Variants in PTPRG observed in about 807,000 individuals in gnomAD.
PTPRG encodes the protein receptor-type tyrosine-protein phosphatase gamma.
In PTPRG, 102 loss-of-function variants were observed where a neutral mutation model predicts 165.3. The observed-to-expected ratio is 0.62, with a 90% confidence interval of 0.53 to 0.73. The LOEUF is 0.73. Ranked by LOEUF, PTPRG falls within the 30% of genes least tolerant of loss-of-function variation. PTPRG has a pLI of 0.00. For synonymous variants in PTPRG, 675 were observed against 669.5 expected (o/e 1.01, Z -0.13); for missense variants, 1,866 against 1,861.4 (o/e 1.00, Z -0.05).
intron 1 of PTPRG, among the ~76,000 whole-genome samples, chr3:61,678,966 T>C (rs1703332821): frequency 6.6e-6 from 1 of 152,118 alleles, no homozygotes; most frequent in African/African-American, 2.4e-5. Flanking sequence ...TCTGCAATAA[T>C]GGCTTTTTTT....
rs545225855 is a variant in PTPRG at position 61,876,533 on chromosome 3, C to T, written c.191-113092C>T. Reference sequence around the variant, plus strand: ...TTGTACTGTTTTAGCAGCAACTTCTCTATAAATCTAAACTTCTCTCAATAC... The same window carrying T: ...TTGTACTGTTTTAGCAGCAACTTCTTTATAAATCTAAACTTCTCTCAATAC... On this transcript the variant is annotated intron_variant, in intron 2 of 29. Coordinates refer to ENST00000474889, the MANE Select transcript of PTPRG (RefSeq NM_002841.4). 2.6e-5 allele frequency among the ~76,000 whole-genome samples: 4 copies of T among 152,306 alleles called. No individual in the cohort carries two copies. In the East Asian group the frequency reaches 7.7e-4, roughly 29 times the overall value.
chr3:61,947,929 G>A (rs1304413962), intron 2 of PTPRG, among the ~76,000 whole-genome samples: 1 of 152,190 alleles, frequency 6.6e-6, no homozygotes, highest in Non-Finnish European at 1.5e-5. Flanking sequence ...AATATGGAAT[G>A]AGGGGAATAG....
chr3:62,006,896 C>T (rs1559742440), intron 4 of PTPRG, among the ~76,000 whole-genome samples: 1 of 152,160 alleles, frequency 6.6e-6, no homozygotes, highest in African/African-American at 2.4e-5. Flanking sequence ...GTGGAGAAAG[C>T]AGTGTGTTTA....
chr3:62,058,132 C>A (rs1700689869), intron 4 of PTPRG, among the ~76,000 whole-genome samples: 1 of 152,174 alleles, frequency 6.6e-6, no homozygotes. Flanking sequence ...CCCCATGGAT[C>A]CAGCCTTATT....
chr3:61,884,275 A>C lies in PTPRG; in HGVS notation c.191-105350A>C, dbSNP rs1306716421. 2.0e-5 allele frequency among the ~76,000 whole-genome samples: 3 copies of C among 152,192 alleles called. No homozygotes were observed. In the East Asian group the frequency reaches 5.8e-4, roughly 29 times the overall value. On this transcript the variant is annotated intron_variant, in intron 2 of 29. Coordinates refer to ENST00000474889, the MANE Select transcript of PTPRG (RefSeq NM_002841.4). Reference sequence around the variant, plus strand: ...GAATAGTGATTTAGTAATTGGGTTAAAGTTAGTGTGCTTCACTTTAATATG... The same window carrying C: ...GAATAGTGATTTAGTAATTGGGTTACAGTTAGTGTGCTTCACTTTAATATG...
At chr3:61,607,631 A>T (rs1701050576) in intron 1 of PTPRG, among the ~76,000 whole-genome samples, 1 of 152,074 alleles carries the variant, frequency 6.6e-6, no homozygotes. Flanking sequence ...CTTAATTATT[A>T]ATCTGACTCT....
At chr3:62,205,931 G>A (rs1700219553) in intron 12 of PTPRG, among the ~76,000 whole-genome samples, 1 of 152,196 alleles carries the variant, frequency 6.6e-6, no homozygotes, top group African/African-American at 2.4e-5. Context: ...AAGAAGCCCA[G>A]TTAGGAGGCA....
At chr3:61,732,170 T>C (rs2032526325) in intron 1 of PTPRG, among the ~76,000 whole-genome samples, 1 of 152,162 alleles carries the variant, frequency 6.6e-6, no homozygotes, top group Non-Finnish European at 1.5e-5. Flanking sequence ...TGGAATTAAT[T>C]AGAATAATTT....
chr3:62,031,558 A>G lies in PTPRG; in HGVS notation c.519+28061A>G, dbSNP rs190863384. Among the ~76,000 whole-genome samples, 4 of 152,322 alleles carry G rather than the reference A, an allele frequency of 2.6e-5. No individual in the cohort carries two copies. The East Asian group carries it at 7.7e-4, about 29-fold the overall frequency. On this transcript the variant is annotated intron_variant, in intron 4 of 29. Coordinates refer to ENST00000474889, the MANE Select transcript of PTPRG (RefSeq NM_002841.4). The stretch of plus-strand genomic sequence containing the variant: ...TCCTTCGAAGCGTTCTGAAGAAGGA[A>G]GTAGCGCAGTGAGCTACCTGATCCT...
At chr3:62,119,767 T>C (rs1292981620) in intron 5 of PTPRG, among the ~76,000 whole-genome samples, 1 of 149,726 alleles carries the variant, frequency 6.7e-6, no homozygotes, top group Non-Finnish European at 1.5e-5. Flanking sequence ...ACTACAGGCA[T>C]GGGCCACCAC....
intron 4 of PTPRG, among the ~76,000 whole-genome samples, chr3:62,016,572 C>T (rs1427117037): frequency 6.6e-6 from 1 of 152,210 alleles, no homozygotes; most frequent in African/African-American, 2.4e-5. Context: ...CTGATTCAAG[C>T]CAACACCATT....
chr3:62,205,779 A>G (rs1293925534), intron 12 of PTPRG, among the ~76,000 whole-genome samples: 1 of 152,048 alleles, frequency 6.6e-6, no homozygotes, highest in African/African-American at 2.4e-5. Context: ...CTGGAAAGGT[A>G]CTCGTTGACC....
intron 9 of PTPRG, 47 bp downstream of exon 9, chr3:62,191,700 C>T: frequency 6.5e-7 from 1 of 1,549,334 alleles, no homozygotes; most frequent in Non-Finnish European, 8.9e-7. Flanking sequence ...CAGAGAGGGA[C>T]TCCTGCTGCA....
At position 61,995,678 on chromosome 3, in the gene PTPRG, G is replaced by A. The variant is rs974161056; in HGVS notation, c.370+5874G>A. 1.8e-4 allele frequency among the ~76,000 whole-genome samples: 17 copies of A among 92,390 alleles called. No individual in the cohort carries two copies. The East Asian group carries it at 4.7e-3, about 26-fold the overall frequency. The allele number at this position is 92,390 out of a possible 152,430, so 60.6% of individuals were successfully genotyped here. On this transcript the variant is annotated intron_variant, in intron 3 of 29. Coordinates refer to ENST00000474889, the MANE Select transcript of PTPRG (RefSeq NM_002841.4). ...GTCTAGGCTTTCCGCCTGCCTGCCC[G>A]CCCGCCTTCCTTCCTTCCTTCCTTC...
At chr3:61,925,155 A>G (rs1191209175) in intron 2 of PTPRG, among the ~76,000 whole-genome samples, 3 of 152,242 alleles carry the variant, frequency 2.0e-5, no homozygotes, top group South Asian at 4.1e-4. Flanking sequence ...CATAAATAGT[A>G]CACAAATGGA....
intron 5 of PTPRG, among the ~76,000 whole-genome samples, chr3:62,085,908 C>T (rs1300363788): frequency 6.6e-6 from 1 of 152,192 alleles, no homozygotes; most frequent in African/African-American, 2.4e-5. Context: ...AGTAAGTTTT[C>T]AGAAGGGCCT....
At chr3:61,717,771 G>A (rs956858624) in intron 1 of PTPRG, among the ~76,000 whole-genome samples, 2 of 151,944 alleles carry the variant, frequency 1.3e-5, no homozygotes, top group African/African-American at 4.8e-5. Context: ...CCTGGCGACA[G>A]AGCCAGACCC....
intron 3 of PTPRG, among the ~76,000 whole-genome samples, chr3:61,993,655 A>G (rs2040951914): frequency 6.6e-6 from 1 of 152,222 alleles, no homozygotes; most frequent in Non-Finnish European, 1.5e-5. Flanking sequence ...AAAAAAATTC[A>G]TGTATCATAA....
intron 7 of PTPRG, among the ~76,000 whole-genome samples, chr3:62,160,126 T>C (rs1704692081): frequency 6.6e-6 from 1 of 152,332 alleles, no homozygotes; most frequent in East Asian, 1.9e-4. Flanking sequence ...TATTCTCTCT[T>C]TTCTTCCCTG....
Sources: allele counts gnomAD v4.1 joint callset (sites outside exome capture counted in the v4.1 genomes callset), GRCh38; gene constraint gnomAD v4.1.1; transcripts MANE v1.5; gene names NCBI Gene and HGNC (gene_info 2026-07-23, HGNC 2026-07-21).